The following CREB5 variants were observed in gnomAD, a reference collection of about 807,000 sequenced individuals.
CREB5 encodes the protein cyclic AMP-responsive element-binding protein 5.
Under a neutral mutation model 57.1 loss-of-function variants are expected in CREB5, and 19 were observed. That is an observed-to-expected ratio of 0.33 (90% CI 0.23 to 0.49). The LOEUF (loss-of-function observed/expected upper bound fraction) is 0.49. CREB5 is among the 20% of genes least tolerant of loss of function. The probability of loss-of-function intolerance (pLI) is 0.99; values close to 1 mark genes in which losing one functional copy is unlikely to be tolerated. For missense variants in CREB5, 579 were observed against 671.6 expected (o/e 0.86, Z 1.52); for synonymous variants, 238 against 238.3 (o/e 1.00, Z 0.01).
At chr7:28,434,073 A>G (rs1788840121) in intron 1 of CREB5, among the ~76,000 whole-genome samples, 1 of 152,028 alleles carries the variant, frequency 6.6e-6, no homozygotes, top group Non-Finnish European at 1.5e-5. Context: ...GGTTTATGCC[A>G]TTTAACTAAT....
intron 7 of CREB5, among the ~76,000 whole-genome samples, chr7:28,755,224 A>C (rs1444472377): frequency 6.6e-6 from 1 of 152,234 alleles, no homozygotes; most frequent in African/African-American, 2.4e-5. Flanking sequence ...AATACTTTGT[A>C]AAGGAAGCAG....
At chr7:28,656,874 A>G (rs1799353073) in intron 5 of CREB5, among the ~76,000 whole-genome samples, 2 of 151,756 alleles carry the variant, frequency 1.3e-5, no homozygotes, top group South Asian at 4.2e-4. Flanking sequence ...TCTTTTGAGG[A>G]TCAGTTGTGA....
At chr7:28,650,050 A>G (rs922691078) in intron 5 of CREB5, among the ~76,000 whole-genome samples, 1 of 152,220 alleles carries the variant, frequency 6.6e-6, no homozygotes, top group African/African-American at 2.4e-5. Context: ...ATTCCCATTT[A>G]CATCTGCCAT....
intron 5 of CREB5, among the ~76,000 whole-genome samples, chr7:28,580,586 TGTGTGTGAGAGA>T (rs1796086252): frequency 6.8e-6 from 1 of 146,040 alleles, no homozygotes. Flanking sequence ...TGTGTGTGTG[TGTGTGTGAGAGA>T]GAGATAGACA....
chr7:28,441,996 A>G (rs952230460), intron 1 of CREB5, among the ~76,000 whole-genome samples: 8 of 152,114 alleles, frequency 5.3e-5, no homozygotes, highest in African/African-American at 1.9e-4. Flanking sequence ...ACAATAAATT[A>G]CAGTTAACCA....
intron 1 of CREB5, among the ~76,000 whole-genome samples, chr7:28,466,532 C>A (rs762467604): frequency 2.0e-5 from 3 of 152,292 alleles, no homozygotes; most frequent in Non-Finnish European, 2.9e-5. Context: ...ACTAAGTCAA[C>A]GGCAATAAAT....
chr7:28,349,616 C>T (rs1171658026), intron 1 of CREB5, among the ~76,000 whole-genome samples: 1 of 152,056 alleles, frequency 6.6e-6, no homozygotes, highest in Non-Finnish European at 1.5e-5. Context: ...CACCATCGGC[C>T]CATACAACTT....
At chr7:28,395,025 G>A (rs1431797087) in intron 1 of CREB5, among the ~76,000 whole-genome samples, 1 of 152,142 alleles carries the variant, frequency 6.6e-6, no homozygotes, top group Admixed American at 6.5e-5. Context: ...CCTGAAGGGG[G>A]AAAAGGATGA....
intron 1 of CREB5, among the ~76,000 whole-genome samples, chr7:28,448,605 G>A (rs1429482402): frequency 2.0e-5 from 3 of 152,176 alleles, no homozygotes; most frequent in Non-Finnish European, 4.4e-5. Flanking sequence ...AGATATTGAG[G>A]TGAATCTTTA....
At chr7:28,723,994 T>C (rs1803189402) in intron 6 of CREB5, among the ~76,000 whole-genome samples, 1 of 152,166 alleles carries the variant, frequency 6.6e-6, no homozygotes, top group African/African-American at 2.4e-5. Flanking sequence ...ACAATGTAGT[T>C]CTCTTTGGCC....
Position 28,371,165 on chromosome 7 carries a change from G to A in CREB5, c.-25+71724G>A, listed in dbSNP as rs558415482. Among the ~76,000 whole-genome samples, 307 of 152,216 alleles carry A rather than the reference G, an allele frequency of 2.0e-3. 3 individuals carry two copies. Among genetic ancestry groups the A allele is most frequent in the African/African-American group, 7.2e-3 (299 of 41,550 alleles). On this transcript the variant is annotated intron_variant, in intron 1 of 9. Coordinates refer to the CREB5 transcript ENST00000396299. ...GGAAACCAGAAGAGGTAAAGAGACC[G>A]GGCAGCAGCAGAAGATTCAGGGAGG... is the stretch of plus-strand genomic sequence containing the variant.
At chr7:28,580,589 G>A (rs907052628) in intron 5 of CREB5, among the ~76,000 whole-genome samples, 1 of 145,680 alleles carries the variant, frequency 6.9e-6, no homozygotes. Flanking sequence ...GTGTGTGTGT[G>A]TGTGAGAGAG....
intron 1 of CREB5, among the ~76,000 whole-genome samples, chr7:28,370,692 C>G (rs1396545768): frequency 6.6e-6 from 1 of 152,164 alleles, no homozygotes; most frequent in Non-Finnish European, 1.5e-5. Context: ...CACGTGAACA[C>G]ATACGCACTG....
chr7:28,536,927 C>G (rs1361326814), intron 4 of CREB5, among the ~76,000 whole-genome samples: 1 of 152,178 alleles, frequency 6.6e-6, no homozygotes, highest in Admixed American at 6.5e-5. Flanking sequence ...CACTGGTTTG[C>G]TTTTTTCCAA....
intron 3 of CREB5, among the ~76,000 whole-genome samples, chr7:28,507,184 TTTTC>T (rs1334018795): frequency 6.6e-6 from 1 of 152,230 alleles, no homozygotes; most frequent in Non-Finnish European, 1.5e-5. Flanking sequence ...GCAAAATCCT[TTTTC>T]TTTCCAGCCC....
intron 5 of CREB5, among the ~76,000 whole-genome samples, chr7:28,689,507 C>A (rs1801135852): frequency 6.6e-6 from 1 of 152,150 alleles, no homozygotes; most frequent in South Asian, 2.1e-4. Context: ...CCCATGTATT[C>A]TTTGCCCAGT....
In CREB5 at chr7:28,820,046, C is replaced by CACTT. The variant is rs1247938741; in HGVS notation, c.*770_*773dup. 2 of 150,800 alleles carry CACTT rather than the reference C, an allele frequency of 1.3e-5. No homozygotes were observed. Among genetic ancestry groups the CACTT allele is most frequent in the African/African-American group, 4.9e-5 (2 of 41,116 alleles). 9.3% of individuals were successfully genotyped at this position (150,800 alleles called of 1,614,324 possible). A position where few individuals can be genotyped will look rare whatever the true frequency, so the allele number is the denominator to read the frequency against. On this transcript the variant is annotated 3_prime_UTR_variant, in exon 11 of 11. Coordinates refer to ENST00000357727, the MANE Select transcript of CREB5 (RefSeq NM_182898.4). Reference sequence around the variant, plus strand: ...CAAAACGTGGACCTAACCATTGCTTCACTTACACTTCACCCACAGCTGGAG... The same window carrying CACTT: ...CAAAACGTGGACCTAACCATTGCTTCACTTACTTACACTTCACCCACAGCTGGAG...
At chr7:28,512,520 A>G (rs935664848) in intron 4 of CREB5, among the ~76,000 whole-genome samples, 1 of 152,256 alleles carries the variant, frequency 6.6e-6, no homozygotes, top group Admixed American at 6.5e-5. Context: ...AAGAAAAACA[A>G]AAATATTTTT....
chr7:28,797,568 C>T (rs1012382903), intron 7 of CREB5, among the ~76,000 whole-genome samples: 1 of 152,130 alleles, frequency 6.6e-6, no homozygotes, highest in African/African-American at 2.4e-5. Context: ...AATTGCGGAA[C>T]CATCAAAGCT....
Sources: allele counts gnomAD v4.1 joint callset (sites outside exome capture counted in the v4.1 genomes callset), GRCh38; gene constraint gnomAD v4.1.1; transcripts MANE v1.5; gene names NCBI Gene and HGNC (gene_info 2026-07-23, HGNC 2026-07-21).